The following NUAK2 variants were observed in gnomAD, a reference collection of about 807,000 sequenced individuals.
NUAK2 encodes NUAK family kinase 2.
A neutral mutation model predicts 29.8 loss-of-function variants in NUAK2; 20 were observed. The observed-to-expected ratio is 0.67, with a 90% CI of 0.47 to 0.98. The LOEUF (loss-of-function observed/expected upper bound fraction) is 0.98, where lower values mean the gene tolerates loss of function less well. Ranked by LOEUF, NUAK2 falls within the 50% of genes least tolerant of loss-of-function variation. NUAK2 has a pLI of 0.00. For synonymous variants in NUAK2, 331 were observed against 342.6 expected (o/e 0.97, Z 0.37); for missense variants, 719 against 834.5 (o/e 0.86, Z 1.71).
intron 1 of NUAK2, among the ~76,000 whole-genome samples, chr1:205,319,622 C>A (rs900892621): frequency 2.6e-5 from 4 of 152,166 alleles, no homozygotes; most frequent in Non-Finnish European, 5.9e-5. Flanking sequence ...CTGGGTCCAA[C>A]AGCCTCAAGC....
In NUAK2 at chr1:205,303,161, C is replaced by T. The variant is rs180705035; in HGVS notation, c.*289G>A. ...AGTTCTCTTTCCAGGTCTCTGTGGC[C>T]CCCCCATGTACACAAGAAACAGGCA... On this transcript the variant is annotated 3_prime_UTR_variant, in exon 7 of 7. Coordinates refer to ENST00000367157, the MANE Select transcript of NUAK2 (RefSeq NM_030952.3). 2.5e-4 allele frequency: 61 copies of T among 244,248 alleles called. No individual in the cohort carries two copies. The highest frequency in any genetic ancestry group is 8.1e-4 in the African/African-American group (36 of 44,222). The allele number at this position is 244,248 out of a possible 1,614,324, so 15.1% of individuals were successfully genotyped here.
intron 1 of NUAK2, among the ~76,000 whole-genome samples, chr1:205,315,493 A>G (rs1378113860): frequency 2.6e-5 from 4 of 152,224 alleles, no homozygotes; most frequent in Non-Finnish European, 5.9e-5. Flanking sequence ...GACATGGGTG[A>G]AGTCCACCTC....
At chr1:205,320,636 C>CTTGTGA (rs1413749391) in intron 1 of NUAK2, among the ~76,000 whole-genome samples, 1 of 152,142 alleles carries the variant, frequency 6.6e-6, no homozygotes, top group Non-Finnish European at 1.5e-5. Flanking sequence ...CTCACAGCAG[C>CTTGTGA]TTGTGAGGCA....
At chr1:205,320,153 G>A (rs73085136) in intron 1 of NUAK2, among the ~76,000 whole-genome samples, 5,410 of 152,248 alleles carry the variant, frequency 0.036, 343 homozygotes, top group African/African-American at 0.12. Context: ...ACTCAAGTTT[G>A]AGAACCAGTT....
chr1:205,305,691 T>A (rs1662170473), intron 5 of NUAK2, among the ~76,000 whole-genome samples: 1 of 151,970 alleles, frequency 6.6e-6, no homozygotes, highest in Non-Finnish European at 1.5e-5. Context: ...TAAGTTCTAG[T>A]TCTAGGGGTT....
intron 1 of NUAK2, among the ~76,000 whole-genome samples, chr1:205,320,026 T>C (rs1662388271): frequency 6.6e-6 from 1 of 152,150 alleles, no homozygotes; most frequent in Non-Finnish European, 1.5e-5. Context: ...AAAAGGCTTG[T>C]TAAAATATAC....
chr1:205,321,384 G>A lies in NUAK2; in HGVS notation c.231+14C>T. The A allele has an allele frequency of 6.2e-7, 1 of 1,601,500 alleles. No individual in the cohort carries two copies. The highest frequency in any genetic ancestry group is 8.5e-7 in the Non-Finnish European group (1 of 1,173,466). On this transcript the variant is annotated intron_variant, in intron 1 of 6. Transcript: ENST00000367157. ...CGGAGCCCGCCCCGCGCCGCGAGAG[G>A]GAGCCGCACTCACCAGGCGCCCCGA...
intron 1 of NUAK2, among the ~76,000 whole-genome samples, chr1:205,319,662 C>T (rs112989402): frequency 5.3e-4 from 81 of 152,258 alleles, no homozygotes; most frequent in African/African-American, 1.9e-3. Context: ...TCACACTTTG[C>T]AGAAAGAGAA....
rs1008506195 is a variant in NUAK2 at position 205,302,896 on chromosome 1, A to C, written c.*554T>G. The C allele has an allele frequency of 3.3e-5, 5 of 152,202 alleles. No individual in the cohort carries two copies. The highest frequency in any genetic ancestry group is 1.2e-4 in the African/African-American group (5 of 41,410). 9.4% of individuals were successfully genotyped at this position (152,202 alleles called of 1,614,324 possible). ...CCAAGAGCGAAACTCCGTCTCAAAA[A>C]AATAAATAAATAAATAAAAATAAAA... On this transcript the variant is annotated 3_prime_UTR_variant, in exon 7 of 7. Transcript: ENST00000367157.
Position 205,304,495 on chromosome 1 carries a change from C to A in NUAK2, c.842G>T (p.Arg281Leu), listed in dbSNP as rs765807541. ...GGTGGGGTTCACCATCAACAGCCAC[C>A]GGATCAGGCCACAGGCATCTGGAAG... Reference protein sequence around the residue: ...PKPSDACGLIRWLLMVNPTRR... With the variant: ...PKPSDACGLILWLLMVNPTRR... The change falls in exon 7 of 7, where the codon CGG becomes CTG. Residue 281 changes from arginine to leucine, a missense_variant. Physicochemically the swap from Arg to Leu is moderately radical, Grantham distance 102 (BLOSUM62 -2). This residue lies in a region of NUAK2 where 430 missense variants were observed against 465.7 expected (regional missense o/e 0.92). Transcript: ENST00000367157. This position sits in a 1 kb window ranked among gnomAD's most constrained non-coding sequence, Gnocchi z 6.5. The A allele has an allele frequency of 6.6e-7, 1 of 1,514,582 alleles. No homozygotes were observed. Among genetic ancestry groups the A allele is most frequent in the Middle Eastern group, 1.9e-4 (1 of 5,398 alleles). 93.8% of individuals were successfully genotyped at this position (1,514,582 alleles called of 1,614,324 possible).
chr1:205,309,623 G>A (rs1361498270), intron 2 of NUAK2, among the ~76,000 whole-genome samples: 1 of 152,196 alleles, frequency 6.6e-6, no homozygotes, highest in Non-Finnish European at 1.5e-5. Flanking sequence ...ACCGCGCCTG[G>A]CCACAGTTAT....
chr1:205,303,590 GCTC>G lies in NUAK2; in HGVS notation c.1744_1746del (p.Glu582del). 10 of 1,612,976 alleles carry G rather than the reference GCTC, an allele frequency of 6.2e-6. No individual in the cohort carries two copies. The highest frequency in any genetic ancestry group is 8.5e-6 in the Non-Finnish European group (10 of 1,179,724). ...CAGCTTCCAGGGCCCTCTGAGGGGG[GCTC>G]CTCAAGCCCCGTGAGGTTGTCCACA... is the stretch of plus-strand genomic sequence containing the variant. On this transcript the variant is annotated inframe_deletion, in exon 7 of 7. Transcript: ENST00000367157.
At chr1:205,317,810 C>T (rs969270359) in intron 1 of NUAK2, among the ~76,000 whole-genome samples, 7 of 152,136 alleles carry the variant, frequency 4.6e-5, no homozygotes, top group Non-Finnish European at 7.4e-5. Context: ...GAAGGAGAGA[C>T]GAGGACTTTG....
At position 205,311,075 on chromosome 1, in the gene NUAK2, C is replaced by T. The variant is rs143324671; in HGVS notation, c.352+630G>A. ...AAGAGAGGGCTCCCCATCTTTCCTT[C>T]GTCACCCTCTCTTGCTCACTTTGTT... On this transcript the variant is annotated intron_variant, in intron 2 of 6. Transcript: ENST00000367157. Among the ~76,000 whole-genome samples the T allele has an allele frequency of 3.2e-4, 48 of 152,294 alleles. No homozygotes were observed. In the East Asian group the frequency reaches 4.8e-3, roughly 15 times the overall value.
chr1:205,318,647 A>G lies in NUAK2; in HGVS notation c.231+2751T>C, dbSNP rs147894316. Among the ~76,000 whole-genome samples, 161 of 152,350 alleles carry G rather than the reference A, an allele frequency of 1.1e-3. 2 individuals carry two copies. Among genetic ancestry groups the G allele is most frequent in the African/African-American group, 3.7e-3 (153 of 41,574 alleles). On this transcript the variant is annotated intron_variant, in intron 1 of 6. Coordinates refer to ENST00000367157, the MANE Select transcript of NUAK2 (RefSeq NM_030952.3). ...CCTTGGAGGTAAGACTTCCATGCAG[A>G]TCATCCAAAGGCTTTGGTGGACTCC...
intron 1 of NUAK2, among the ~76,000 whole-genome samples, chr1:205,313,086 T>G (rs1662277829): frequency 6.6e-6 from 1 of 151,946 alleles, no homozygotes; most frequent in South Asian, 2.1e-4. Flanking sequence ...TGGGGAGGTG[T>G]TGTTTAATGT....
rs531504603 is a variant in NUAK2, at chr1:205,306,036, G to A, written c.690+152C>T. 1.3e-4 allele frequency: 138 copies of A among 1,079,478 alleles called. 2 individuals carry two copies. In the South Asian group the frequency reaches 2.0e-3, roughly 15 times the overall value. The allele number at this position is 1,079,478 out of a possible 1,614,324, so 66.9% of individuals were successfully genotyped here. On this transcript the variant is annotated intron_variant, in intron 5 of 6. Coordinates refer to ENST00000367157, the MANE Select transcript of NUAK2 (RefSeq NM_030952.3). The stretch of plus-strand genomic sequence containing the variant: ...GCCTAGTTCTAGTTTTGCCATTCCT[G>A]GCTAGACACCTGGCAAGTTACTACT...
At chr1:205,320,293 CTCGCTCTG>C (rs1422414767) in intron 1 of NUAK2, among the ~76,000 whole-genome samples, 1 of 151,974 alleles carries the variant, frequency 6.6e-6, no homozygotes, top group African/African-American at 2.4e-5. Context: ...GAGACGGAGT[CTCGCTCTG>C]TTGCCCAGGC....
Position 205,303,184 on chromosome 1 carries a change from G to A in NUAK2, c.*266C>T, listed in dbSNP as rs955791951. 5 of 294,620 alleles carry A rather than the reference G, an allele frequency of 1.7e-5. No individual in the cohort carries two copies. The highest frequency in any genetic ancestry group is 2.5e-5 in the Non-Finnish European group (4 of 158,412). 18.3% of individuals were successfully genotyped at this position (294,620 alleles called of 1,614,324 possible). On this transcript the variant is annotated 3_prime_UTR_variant, in exon 7 of 7. Coordinates refer to ENST00000367157, the MANE Select transcript of NUAK2 (RefSeq NM_030952.3). ...GCCCCCCCATGTACACAAGAAACAGGCAATGTGGACTCTGTCGCGGGCATT... is the reference window on the plus strand; with the variant it reads ...GCCCCCCCATGTACACAAGAAACAGACAATGTGGACTCTGTCGCGGGCATT...
Sources: gnomAD v4.1 joint callset for allele counts (sites outside exome capture counted in the v4.1 genomes callset) on GRCh38, gnomAD v4.1.1 for gene constraint, gnomAD v4.1.1 regional missense constraint, Gnocchi (gnomAD v3.1) non-coding constraint, MANE v1.5 for transcripts, NCBI Gene and HGNC (gene_info 2026-07-23, HGNC 2026-07-21) for gene names.